The following ZNF689 variants were observed in gnomAD, a reference collection of about 807,000 sequenced individuals.
The protein encoded by ZNF689 is short ORF-encoded histone-binding protein.
ZNF689 carries 14 observed loss-of-function variants against 37.2 expected under a neutral mutation model. The observed-to-expected ratio is 0.38, with a 90% confidence interval of 0.25 to 0.59. The LOEUF is 0.59. Ranked by LOEUF, ZNF689 falls within the 20% of genes least tolerant of loss-of-function variation. ZNF689 has a pLI of 0.68. For missense variants in ZNF689, 573 were observed against 700.2 expected (o/e 0.82, Z 2.05); for synonymous variants, 277 against 283.3 (o/e 0.98, Z 0.22).
rs755240529 is a variant in ZNF689, at chr16:30,604,925, C to T, written c.842G>A (p.Arg281His). The T allele has an allele frequency of 6.3e-7, 1 of 1,574,946 alleles. No homozygotes were observed. Among genetic ancestry groups the T allele is most frequent in the African/African-American group, 1.3e-5 (1 of 74,318 alleles). ...GTAGGGCTTCTCTCCCGTGTGTGTA[C>T]GCTGGTGGATGGCTAGCAGGGAGGG... The part of the protein sequence containing the change: ...AYPSLLAIHQ[R>H]THTGEKPYTC... The change falls in exon 3 of 3, where the codon CGT becomes CAT. Residue 281 changes from arginine to histidine, a missense_variant. This residue lies in a region of ZNF689 where 317 missense variants were observed against 367.1 expected (regional missense o/e 0.86). Transcript: ENST00000287461. This position sits in a 1 kb window ranked among gnomAD's most constrained non-coding sequence, Gnocchi z 5.2.
intron 1 of ZNF689, 32 bp downstream of exon 1, chr16:30,609,805 C>T: frequency 6.3e-7 from 1 of 1,579,410 alleles, no homozygotes; most frequent in African/African-American, 1.3e-5. Flanking sequence ...CATCCCTTCG[C>T]GCCCCGCGGC....
In ZNF689 at chr16:30,604,459, C is replaced by T; in HGVS notation, c.1308G>A (p.Lys436=). The part of the protein sequence containing the change: ...ERPYACDLCS[K]RFAQWSHLAQ... ...CCAGGTGGCTCCACTGAGCAAAACGCTTGGAGCAAAGGTCGCAGGCATAGG... is the reference window on the plus strand; with the variant it reads ...CCAGGTGGCTCCACTGAGCAAAACGTTTGGAGCAAAGGTCGCAGGCATAGG... The change falls in exon 3 of 3, where the codon AAG becomes AAA. Residue 436 remains lysine (K), a synonymous_variant. Transcript: ENST00000287461. The surrounding 1 kb of genome is among the most constrained non-coding windows in gnomAD (Gnocchi z 5.2). 6.2e-7 allele frequency: 1 copy of T among 1,611,294 alleles called. No homozygotes were observed. The highest frequency in any genetic ancestry group is 8.5e-7 in the Non-Finnish European group (1 of 1,178,846).
At chr16:30,609,466 C>CA (rs2052070863) in intron 2 of ZNF689, 59 bp downstream of exon 2, 3 of 1,508,654 alleles carry the variant, frequency 2.0e-6, no homozygotes, top group South Asian at 2.3e-5. Context: ...TGGACAGAGC[C>CA]GTTAGAGGTA....
chr16:30,608,101 A>C (rs185123279), intron 2 of ZNF689, among the ~76,000 whole-genome samples: 62 of 152,342 alleles, frequency 4.1e-4, no homozygotes, highest in African/African-American at 1.3e-3. Flanking sequence ...TTACTGAAAC[A>C]GAATGCCAGG....
Position 30,604,797 on chromosome 16 carries a change from G to T in ZNF689, c.970C>A (p.Arg324=). 2 of 1,609,458 alleles carry T rather than the reference G, an allele frequency of 1.2e-6. No homozygotes were observed. Among genetic ancestry groups the T allele is most frequent in the Non-Finnish European group, 1.7e-6 (2 of 1,177,642 alleles). The part of the protein sequence containing the change: ...EKPYPCPDCE[R]RFSSSSRLVS... ...AGGCGAGAGGAGGAGGAGAAGCGCCGCTCGCAGTCCGGGCACGGGTAGGGC... is the reference window on the plus strand; with the variant it reads ...AGGCGAGAGGAGGAGGAGAAGCGCCTCTCGCAGTCCGGGCACGGGTAGGGC... The change falls in exon 3 of 3, where the codon CGG becomes AGG. Residue 324 remains arginine, a synonymous_variant. Coordinates refer to ENST00000287461, the MANE Select transcript of ZNF689 (RefSeq NM_138447.3). This position sits in a 1 kb window ranked among gnomAD's most constrained non-coding sequence, Gnocchi z 5.2.
At position 30,604,565 on chromosome 16, in the gene ZNF689, T is replaced by C; in HGVS notation, c.1202A>G (p.His401Arg). Residue 401 changes from histidine to arginine, a missense_variant, in exon 3 of 3, where the codon CAC becomes CGC. His to Arg is a conservative substitution (Grantham distance 29, BLOSUM62 0). Coordinates refer to ENST00000287461, the MANE Select transcript of ZNF689 (RefSeq NM_138447.3). The surrounding 1 kb of genome is among the most constrained non-coding windows in gnomAD (Gnocchi z 5.2). ...GCGGCGACCACAGTCGTCGCAGGCG[T>C]GCAGCTTCTCCTCTGTGTGCGTGCT... ...HRSTHTEEKL[H>R]ACDDCGRRFA... The C allele has an allele frequency of 6.3e-7, 1 of 1,589,022 alleles. No individual in the cohort carries two copies. The highest frequency in any genetic ancestry group is 8.6e-7 in the Non-Finnish European group (1 of 1,168,342).
chr16:30,610,098 C>T lies in ZNF689; in HGVS notation c.-57G>A. 6.6e-7 allele frequency: 1 copy of T among 1,518,990 alleles called. No homozygotes were observed. Among genetic ancestry groups the T allele is most frequent in the South Asian group, 1.2e-5 (1 of 80,892 alleles). The allele number at this position is 1,518,990 out of a possible 1,614,324, so 94.1% of individuals were successfully genotyped here. ...GTGTCCAGGCCTCGGCCCTCGGGCG[C>T]TGGCGGCCCCTGGGATCGAGGAGCC... is the stretch of plus-strand genomic sequence containing the variant. On this transcript the variant is annotated 5_prime_UTR_variant, in exon 1 of 3. Transcript: ENST00000287461.
chr16:30,609,415 T>C, intron 2 of ZNF689, 110 bp downstream of exon 2: 1 of 846,376 alleles, frequency 1.2e-6, no homozygotes, highest in South Asian at 1.7e-5. Context: ...AAGATGAATA[T>C]ACTAAATACG....
In ZNF689 at chr16:30,604,582, G is replaced by A. The variant is rs1216519205; in HGVS notation, c.1185C>T (p.His395=). The change falls in exon 3 of 3, where the codon CAC becomes CAT. Residue 395 remains histidine (H), a synonymous_variant. Coordinates refer to ENST00000287461, the MANE Select transcript of ZNF689 (RefSeq NM_138447.3). The surrounding 1 kb of genome is among the most constrained non-coding windows in gnomAD (Gnocchi z 5.2). ...CGCAGGCGTGCAGCTTCTCCTCTGT[G>A]TGCGTGCTGCGATGGATGGCCAGGG... ...SGSLAIHRST[H]TEEKLHACDD... is the part of the protein sequence containing the mutation. 1 of 1,591,112 alleles carries A rather than the reference G, an allele frequency of 6.3e-7. No homozygotes were observed. Among genetic ancestry groups the A allele is most frequent in the African/African-American group, 1.3e-5 (1 of 74,474 alleles).
In ZNF689 at chr16:30,603,938, A is replaced by C; in HGVS notation, c.*326T>G. ...TGAGATTCTCCTGATTGCATGCAAG[A>C]TGACAGGTAATCCCTGTGTGGACAG... On this transcript the variant is annotated 3_prime_UTR_variant, in exon 3 of 3. Transcript: ENST00000287461. 1 of 449,832 alleles carries C rather than the reference A, an allele frequency of 2.2e-6. No individual in the cohort carries two copies. The highest frequency in any genetic ancestry group is 4.3e-6 in the Non-Finnish European group (1 of 234,250). The allele number at this position is 449,832 out of a possible 1,614,324, so 27.9% of individuals were successfully genotyped here. A position where few individuals can be genotyped will look rare whatever the true frequency, so the allele number is the denominator to read the frequency against.
chr16:30,603,579 A>G lies in ZNF689; in HGVS notation c.*685T>C, dbSNP rs2052001780. Reference sequence around the variant, plus strand: ...GCCTGTTTGCAGAGATCATGTGTGGAAATTGAAACCCTGTCTTTAAGGAAT... The same window carrying G: ...GCCTGTTTGCAGAGATCATGTGTGGGAATTGAAACCCTGTCTTTAAGGAAT... On this transcript the variant is annotated 3_prime_UTR_variant, in exon 3 of 3. Coordinates refer to ENST00000287461, the MANE Select transcript of ZNF689 (RefSeq NM_138447.3). The G allele has an allele frequency of 6.4e-6, 1 of 155,096 alleles. No homozygotes were observed. Among genetic ancestry groups the G allele is most frequent in the South Asian group, 2.0e-4 (1 of 5,082 alleles). The allele number at this position is 155,096 out of a possible 1,614,324, so 9.6% of individuals were successfully genotyped here.
rs868282676 is a variant in ZNF689 at position 30,605,175 on chromosome 16, C to T, written c.592G>A (p.Ala198Thr). Residue 198 changes from alanine (A) to threonine (T), a missense_variant, in exon 3 of 3, where the codon GCA becomes ACA. This residue lies in a region of ZNF689 where 252 missense variants were observed against 313.3 expected (regional missense o/e 0.80). Transcript: ENST00000287461. The surrounding 1 kb of genome is among the most constrained non-coding windows in gnomAD (Gnocchi z 5.1). ...ACATAGGGGCACTCGCCGGAGTGTG[C>T]CCGCCGGTGACTGACCAGCAGGGAT... is the stretch of plus-strand genomic sequence containing the variant. ...YPSLLVSHRR[A>T]HSGECPYVCD... The T allele has an allele frequency of 6.8e-6, 11 of 1,614,042 alleles. No individual in the cohort carries two copies. Among genetic ancestry groups the T allele is most frequent in the South Asian group, 1.1e-5 (1 of 91,070 alleles).
Position 30,604,160 on chromosome 16 carries a change from G to T in ZNF689, c.*104C>A. ...CAAAGTTCAGCTCTGTGCAGCAGGA[G>T]ACCCGGGTTTAGTTCTGACTCTGCC... is the stretch of plus-strand genomic sequence containing the variant. On this transcript the variant is annotated 3_prime_UTR_variant, in exon 3 of 3. Coordinates refer to ENST00000287461, the MANE Select transcript of ZNF689 (RefSeq NM_138447.3). The surrounding 1 kb of genome is among the most constrained non-coding windows in gnomAD (Gnocchi z 5.2). The T allele has an allele frequency of 8.1e-7, 1 of 1,235,680 alleles. No homozygotes were observed. Among genetic ancestry groups the T allele is most frequent in the Non-Finnish European group, 1.2e-6 (1 of 856,578 alleles). The allele number at this position is 1,235,680 out of a possible 1,614,324, so 76.5% of individuals were successfully genotyped here. A position where few individuals can be genotyped will look rare whatever the true frequency, so the allele number is the denominator to read the frequency against.
chr16:30,609,174 C>T (rs1035963756), intron 2 of ZNF689, among the ~76,000 whole-genome samples: 1 of 150,626 alleles, frequency 6.6e-6, no homozygotes, highest in East Asian at 2.0e-4. Context: ...TGCAATGGCT[C>T]ACGCCAGTAA....
In ZNF689 at chr16:30,602,590, C is replaced by A. The variant is rs191811552; in HGVS notation, c.*1674G>T. 1 of 152,342 alleles carries A rather than the reference C, an allele frequency of 6.6e-6. No homozygotes were observed. Among genetic ancestry groups the A allele is most frequent in the African/African-American group, 2.4e-5 (1 of 41,586 alleles). The allele number at this position is 152,342 out of a possible 1,614,324, so 9.4% of individuals were successfully genotyped here. On this transcript the variant is annotated 3_prime_UTR_variant, in exon 3 of 3. Coordinates refer to ENST00000287461, the MANE Select transcript of ZNF689 (RefSeq NM_138447.3). ...ATCAGACATTTTAATGAGACCCAAT[C>A]TGATATGACCCCTTCTTGGGGGTAG...
In ZNF689 at chr16:30,610,073, G is replaced by T. The variant is rs1282699725; in HGVS notation, c.-32C>A. On this transcript the variant is annotated 5_prime_UTR_variant, in exon 1 of 3. Coordinates refer to ENST00000287461, the MANE Select transcript of ZNF689 (RefSeq NM_138447.3). ...CGAGAAGCCGGCGCCACGGCCTTCC[G>T]TGTCCAGGCCTCGGCCCTCGGGCGC... The T allele has an allele frequency of 2.6e-6, 4 of 1,557,126 alleles. No individual in the cohort carries two copies. Among genetic ancestry groups the T allele is most frequent in the African/African-American group, 1.4e-5 (1 of 73,426 alleles).
chr16:30,604,684 G>A lies in ZNF689; in HGVS notation c.1083C>T (p.Leu361=), dbSNP rs758200067. Residue 361 remains leucine (L), a synonymous_variant, in exon 3 of 3, where the codon CTC becomes CTT. Coordinates refer to ENST00000287461, the MANE Select transcript of ZNF689 (RefSeq NM_138447.3). This position sits in a 1 kb window ranked among gnomAD's most constrained non-coding sequence, Gnocchi z 5.2. The part of the protein sequence containing the change: ...EARFSQRSTL[L]QHQLLHTGEK... The stretch of plus-strand genomic sequence containing the variant: ...CTCCGGTGTGCAAGAGCTGGTGCTG[G>A]AGCAGCGTGCTGCGCTGGGAGAAGC... 2 of 1,610,400 alleles carry A rather than the reference G, an allele frequency of 1.2e-6. No individual in the cohort carries two copies. Among genetic ancestry groups the A allele is most frequent in the South Asian group, 2.2e-5 (2 of 90,974 alleles).
At position 30,604,083 on chromosome 16, in the gene ZNF689, A is replaced by G; in HGVS notation, c.*181T>C. The G allele has an allele frequency of 1.3e-6, 1 of 748,340 alleles. No individual in the cohort carries two copies. The highest frequency in any genetic ancestry group is 2.4e-6 in the Non-Finnish European group (1 of 422,956). 46.4% of individuals were successfully genotyped at this position (748,340 alleles called of 1,614,324 possible). A position where few individuals can be genotyped will look rare whatever the true frequency, so the allele number is the denominator to read the frequency against. On this transcript the variant is annotated 3_prime_UTR_variant, in exon 3 of 3. Transcript: ENST00000287461. This position sits in a 1 kb window ranked among gnomAD's most constrained non-coding sequence, Gnocchi z 5.2. ...TTAAGCAAATGACGTCACCTCTCCTAATGGGACTGTTCCAGACACGCACAG... is the reference window on the plus strand; with the variant it reads ...TTAAGCAAATGACGTCACCTCTCCTGATGGGACTGTTCCAGACACGCACAG...
chr16:30,609,550 G>GT lies in ZNF689; in HGVS notation c.293dup (p.Tyr98Ter). ...TTCTCTGGACTGTTAGCCCTCTCGG[G>GT]TACTCCTGCGGATCTAGAGCAGCCG... ...WEPAALDPQE[Y>*]PRGLTVQRKS... Residue 98 changes from tyrosine (Y) to a stop codon, truncating the protein, a stop_gained and frameshift_variant, in exon 2 of 3, where the codon TAC becomes TAAC. Coordinates refer to ENST00000287461, the MANE Select transcript of ZNF689 (RefSeq NM_138447.3). LOFTEE classifies it high-confidence loss of function. The GT allele has an allele frequency of 6.2e-7, 1 of 1,614,102 alleles. No individual in the cohort carries two copies. The highest frequency in any genetic ancestry group is 8.5e-7 in the Non-Finnish European group (1 of 1,180,024).
Sources: allele counts gnomAD v4.1 joint callset (sites outside exome capture counted in the v4.1 genomes callset), GRCh38; gene constraint gnomAD v4.1.1; regional missense constraint gnomAD v4.1.1; non-coding constraint Gnocchi (gnomAD v3.1); transcripts MANE v1.5; gene names NCBI Gene and HGNC (gene_info 2026-07-23, HGNC 2026-07-21).